Variants in PDE1A observed in about 807,000 individuals in gnomAD.
PDE1A encodes phosphodiesterase 1A, also known as dual specificity calcium/calmodulin-dependent 3',5'-cyclic nucleotide phosphodiesterase 1A.
In PDE1A, 35 loss-of-function variants were observed where a neutral mutation model predicts 61.7. The observed-to-expected ratio is 0.57, with a 90% CI of 0.43 to 0.75. The LOEUF (loss-of-function observed/expected upper bound fraction) is 0.75. Ranked by LOEUF, PDE1A falls within the 30% of genes least tolerant of loss-of-function variation. The pLI, the probability that PDE1A is intolerant of heterozygous loss-of-function variation, is 0.00. For synonymous variants in PDE1A, 232 were observed against 213.2 expected (o/e 1.09, Z -0.77); for missense variants, 597 against 630.6 (o/e 0.95, Z 0.57).
At chr2:182,618,843 G>A in the PDE1A span, among the ~76,000 whole-genome samples, 1 of 152,036 alleles carries the variant, frequency 6.6e-6, no homozygotes, top group Admixed American at 6.6e-5. Context: ...GCTTGTGTTT[G>A]TTAAATAAAT....
chr2:182,685,367 T>G, the PDE1A span, among the ~76,000 whole-genome samples: 2 of 152,214 alleles, frequency 1.3e-5, no homozygotes, highest in Non-Finnish European at 2.9e-5. Context: ...TTGTATGCTA[T>G]GTATAATATG....
At chr2:182,194,511 C>G (rs1685972938) in intron 10 of PDE1A, among the ~76,000 whole-genome samples, 1 of 152,096 alleles carries the variant, frequency 6.6e-6, no homozygotes, top group African/African-American at 2.4e-5. Flanking sequence ...TAATAAATAT[C>G]ACAGGCTTGT....
At chr2:182,153,474 CAG>C (rs1690904122) in intron 13 of PDE1A, among the ~76,000 whole-genome samples, 1 of 152,194 alleles carries the variant, frequency 6.6e-6, no homozygotes, top group Non-Finnish European at 1.5e-5. Flanking sequence ...ATTTCTCCAT[CAG>C]AGTGTCATTC....
chr2:182,624,522 C>T, the PDE1A span, among the ~76,000 whole-genome samples: 20,102 of 152,104 alleles, frequency 0.13, 1,571 homozygotes, highest in African/African-American at 0.21. Context: ...TTTTAAAAGA[C>T]GCAGAAACCT....
At chr2:182,453,625 A>G (rs1685681524) in intron 2 of PDE1A, among the ~76,000 whole-genome samples, 1 of 152,172 alleles carries the variant, frequency 6.6e-6, no homozygotes, top group Non-Finnish European at 1.5e-5. Flanking sequence ...ATGAAAATCA[A>G]TAAATGTAAT....
intron 13 of PDE1A, among the ~76,000 whole-genome samples, chr2:182,160,946 C>T (rs922753662): frequency 6.6e-6 from 1 of 152,080 alleles, no homozygotes; most frequent in Non-Finnish European, 1.5e-5. Flanking sequence ...TAGTCTTTGG[C>T]GTGAACTGTT....
At chr2:182,205,191 C>T (rs1686995336) in intron 8 of PDE1A, among the ~76,000 whole-genome samples, 1 of 152,042 alleles carries the variant, frequency 6.6e-6, no homozygotes. Flanking sequence ...TCTGTTCTTA[C>T]TATAAGAGAG....
chr2:182,565,164 C>T, the PDE1A span, among the ~76,000 whole-genome samples: 14 of 152,220 alleles, frequency 9.2e-5, no homozygotes, highest in South Asian at 4.1e-4. Flanking sequence ...CTGCTCTGTT[C>T]TTTCCCCATC....
intron 1 of PDE1A, among the ~76,000 whole-genome samples, chr2:182,381,529 T>C (rs1273696785): frequency 6.6e-6 from 1 of 152,104 alleles, no homozygotes; most frequent in African/African-American, 2.4e-5. Flanking sequence ...AAACGTTATA[T>C]TAGGCCAGGC....
At chr2:182,486,167 C>T (rs1456906654) in intron 2 of PDE1A, among the ~76,000 whole-genome samples, 1 of 151,618 alleles carries the variant, frequency 6.6e-6, no homozygotes, top group African/African-American at 2.4e-5. Flanking sequence ...ATAATAGCAA[C>T]TAAAAATTCA....
At position 182,210,704 on chromosome 2, in the gene PDE1A, T is replaced by C. The variant is rs1303342744; in HGVS notation, c.777-4639A>G. ...TATTTCATATATTGTGCCTTTGATA[T>C]TATATTTAAAAAGTCATCACCAAAT... On this transcript the variant is annotated intron_variant, in intron 7 of 13. Coordinates refer to ENST00000351439, the Ensembl canonical transcript of PDE1A. 2.0e-5 allele frequency among the ~76,000 whole-genome samples: 3 copies of C among 152,280 alleles called. No individual in the cohort carries two copies. In the East Asian group the frequency reaches 5.8e-4, roughly 29 times the overall value.
At chr2:182,375,684 C>T (rs562817500) in intron 1 of PDE1A, among the ~76,000 whole-genome samples, 1 of 152,326 alleles carries the variant, frequency 6.6e-6, no homozygotes, top group South Asian at 2.1e-4. Context: ...TATGTGGTAC[C>T]CCAGTAGGGA....
upstream of PDE1A, among the ~76,000 whole-genome samples, chr2:182,428,818 T>C (rs1006250770): frequency 6.6e-5 from 10 of 152,116 alleles, no homozygotes; most frequent in Non-Finnish European, 1.2e-4. Flanking sequence ...AATAAGCCCA[T>C]CAACTTTTAA....
intron 2 of PDE1A, among the ~76,000 whole-genome samples, chr2:182,437,874 TTCTTA>T (rs1193727348): frequency 6.6e-6 from 1 of 151,946 alleles, no homozygotes. Flanking sequence ...TATTAACTGG[TTCTTA>T]TCTTAAATTT....
chr2:182,280,979 A>G (rs1693766998), intron 1 of PDE1A, among the ~76,000 whole-genome samples: 2 of 151,960 alleles, frequency 1.3e-5, no homozygotes, highest in Non-Finnish European at 2.9e-5. Context: ...GACATTACCC[A>G]TTTGGTATTG....
At chr2:182,142,249 T>C (rs1329816968), downstream of PDE1A, 1 of 152,170 alleles carries the variant, frequency 6.6e-6, no homozygotes, top group African/African-American at 2.4e-5. Flanking sequence ...TCCATTCTAG[T>C]GTCTGTCTCC....
downstream of PDE1A, chr2:182,167,794 C>A: frequency 2.0e-6 from 1 of 490,204 alleles, no homozygotes; most frequent in Non-Finnish European, 2.6e-6. Flanking sequence ...GATATCTATC[C>A]CTTAGGACAA....
At chr2:182,280,518 C>T (rs1054414160) in intron 1 of PDE1A, among the ~76,000 whole-genome samples, 6 of 151,886 alleles carry the variant, frequency 4.0e-5, no homozygotes, top group Non-Finnish European at 8.8e-5. Context: ...TTTCTTCCCA[C>T]TTGATTGATA....
the PDE1A span, among the ~76,000 whole-genome samples, chr2:182,671,621 CT>C: frequency 1.5e-3 from 190 of 124,278 alleles, no homozygotes; most frequent in Non-Finnish European, 1.9e-3. Context: ...CTTTCTTTTT[CT>C]TTTTTTTTTT....
Sources: gnomAD v4.1 joint callset for allele counts (sites outside exome capture counted in the v4.1 genomes callset) on GRCh38, gnomAD v4.1.1 for gene constraint, MANE v1.5 for transcripts, NCBI Gene and HGNC (gene_info 2026-07-23, HGNC 2026-07-21) for gene names.